MEOX1: variants seen among roughly 807,000 people sequenced by gnomAD.
The protein encoded by MEOX1 is homeobox protein MOX-1.
Under a neutral mutation model 23.2 loss-of-function variants are expected in MEOX1, and 17 were observed. The ratio of observed to expected loss-of-function variants is 0.73; its 90% CI spans 0.50 to 1.10. MEOX1 has a LOEUF of 1.10. Ranked by LOEUF, MEOX1 falls within the 50% of genes least tolerant of loss-of-function variation. The pLI, the probability that MEOX1 is intolerant of heterozygous loss-of-function variation, is 0.00. For missense variants in MEOX1, 333 were observed against 332.2 expected (o/e 1.00, Z -0.02); for synonymous variants, 134 against 135.1 (o/e 0.99, Z 0.06).
chr17:43,642,158 C>G, intron 2 of MEOX1, 126 bp from the exon 3 acceptor site: 1 of 998,846 alleles, frequency 1.0e-6, no homozygotes, highest in East Asian at 2.5e-5. Context: ...TTACCACTCC[C>G]TACTCCCTCA....
chr17:43,653,669 C>T (rs983076113), intron 1 of MEOX1, among the ~76,000 whole-genome samples: 8 of 152,148 alleles, frequency 5.3e-5, no homozygotes, highest in East Asian at 1.9e-4. Context: ...GCCACCACGC[C>T]CAGCTAATTT....
rs199605919 is a variant in MEOX1 at position 43,641,873 on chromosome 17, G to C, written c.*37C>G. 3.2e-6 allele frequency: 5 copies of C among 1,587,262 alleles called. No homozygotes were observed. The highest frequency in any genetic ancestry group is 4.3e-6 in the Non-Finnish European group (5 of 1,166,638). The stretch of plus-strand genomic sequence containing the variant: ...TTGGGGTGGGGGTAGTTGGGTAGGG[G>C]GCTCAGTCCTTAGTCATTTTTCCTC... On this transcript the variant is annotated 3_prime_UTR_variant, in exon 3 of 3. Transcript: ENST00000318579.
At position 43,643,834 on chromosome 17, in the gene MEOX1, T is replaced by C. The variant is rs35674347; in HGVS notation, c.470-174A>G. Among the ~76,000 whole-genome samples the C allele has an allele frequency of 0.14, 21,636 of 151,608 alleles. 3,974 individuals carry two copies. Among genetic ancestry groups the C allele is most frequent in the African/African-American group, 0.43 (17,601 of 41,000 alleles). Reference sequence around the variant, plus strand: ...TTCTGGTGTCTTACCCATATTAGAATTGGGAAGATTTTTTATTTTTGGTTT... The same window carrying C: ...TTCTGGTGTCTTACCCATATTAGAACTGGGAAGATTTTTTATTTTTGGTTT... On this transcript the variant is annotated intron_variant, in intron 1 of 2. Transcript: ENST00000318579.
intron 1 of MEOX1, among the ~76,000 whole-genome samples, chr17:43,644,624 CAAATGA>C (rs1483942282): frequency 1.3e-5 from 2 of 152,180 alleles, no homozygotes; most frequent in Non-Finnish European, 2.9e-5. Context: ...ACATACTGTT[CAAATGA>C]AAAGTATGTA....
At chr17:43,642,111 G>A (rs1972708606) in intron 2 of MEOX1, 79 bp from the exon 3 acceptor site, 2 of 1,487,894 alleles carry the variant, frequency 1.3e-6, no homozygotes, top group African/African-American at 1.4e-5. Flanking sequence ...AGGCTAGCCA[G>A]GGTGTAACTC....
intron 2 of MEOX1, 67 bp downstream of exon 2, chr17:43,643,421 G>A: frequency 7.1e-7 from 1 of 1,404,100 alleles, no homozygotes; most frequent in Non-Finnish European, 9.6e-7. Context: ...AGGGAGGGGT[G>A]GTGGGAAAGG....
chr17:43,655,573 C>G (rs1973000448), intron 1 of MEOX1, among the ~76,000 whole-genome samples: 2 of 150,218 alleles, frequency 1.3e-5, no homozygotes. Flanking sequence ...CCTATAATTC[C>G]AGCACTTTGG....
chr17:43,642,282 T>C (rs1029485606), intron 2 of MEOX1, among the ~76,000 whole-genome samples: 5 of 152,126 alleles, frequency 3.3e-5, no homozygotes, highest in African/African-American at 4.8e-5. Context: ...CACTCTGCAT[T>C]GGCCCCACCC....
intron 1 of MEOX1, among the ~76,000 whole-genome samples, chr17:43,659,081 A>G (rs1266468418): frequency 6.6e-6 from 1 of 152,222 alleles, no homozygotes; most frequent in East Asian, 1.9e-4. Flanking sequence ...GCCACTCGCC[A>G]AAAAGAGAGC....
In MEOX1 at chr17:43,641,654, C is replaced by T. The variant is rs1298806685; in HGVS notation, c.*256G>A. On this transcript the variant is annotated 3_prime_UTR_variant, in exon 3 of 3. Coordinates refer to ENST00000318579, the MANE Select transcript of MEOX1 (RefSeq NM_004527.4). ...TGAAGCTGTTTCCAGATTCATCCGG[C>T]CCGGTAGGATCTCTGTCTGATTCCA... The T allele has an allele frequency of 2.8e-5, 11 of 389,960 alleles. No individual in the cohort carries two copies. In the Admixed American group the frequency reaches 3.0e-4, roughly 11 times the overall value. 24.2% of individuals were successfully genotyped at this position (389,960 alleles called of 1,614,324 possible). A position where few individuals can be genotyped will look rare whatever the true frequency, so the allele number is the denominator to read the frequency against.
chr17:43,642,785 C>T (rs1972720808), intron 2 of MEOX1, among the ~76,000 whole-genome samples: 1 of 152,260 alleles, frequency 6.6e-6, no homozygotes, highest in East Asian at 1.9e-4. Flanking sequence ...TTCTCAGGCC[C>T]ACTCATTATG....
chr17:43,645,315 T>C (rs1972785650), intron 1 of MEOX1, among the ~76,000 whole-genome samples: 1 of 151,738 alleles, frequency 6.6e-6, no homozygotes, highest in African/African-American at 2.4e-5. Context: ...TAGCTGGGAC[T>C]ACAGGCGCCC....
chr17:43,650,086 A>G (rs1972888301), intron 1 of MEOX1, among the ~76,000 whole-genome samples: 1 of 152,230 alleles, frequency 6.6e-6, no homozygotes, highest in Non-Finnish European at 1.5e-5. Context: ...GTTTACATAA[A>G]TTAATATCCA....
chr17:43,648,832 TC>T (rs1223435419), intron 1 of MEOX1, among the ~76,000 whole-genome samples: 6 of 152,262 alleles, frequency 3.9e-5, no homozygotes, highest in African/African-American at 1.4e-4. Flanking sequence ...TCCCCAGCCT[TC>T]CCACAGCTCA....
intron 2 of MEOX1, 87 bp from the exon 3 acceptor site, chr17:43,642,119 C>T: frequency 7.1e-7 from 1 of 1,414,546 alleles, no homozygotes; most frequent in Non-Finnish European, 9.6e-7. Context: ...CAGGGTGTAA[C>T]TCCAGGGACC....
At chr17:43,654,362 G>T (rs1283433661) in intron 1 of MEOX1, among the ~76,000 whole-genome samples, 1 of 152,088 alleles carries the variant, frequency 6.6e-6, no homozygotes, top group African/African-American at 2.4e-5. Flanking sequence ...GCAAAAATTA[G>T]CCAGGTGTGG....
intron 1 of MEOX1, among the ~76,000 whole-genome samples, chr17:43,660,205 G>A (rs1250614810): frequency 6.6e-6 from 1 of 152,190 alleles, no homozygotes; most frequent in African/African-American, 2.4e-5. Context: ...AGGGCCTGGT[G>A]GGGAGGTGAG....
chr17:43,657,012 C>CTCTCTTTCTTTCTTTCTT (rs1555567819), intron 1 of MEOX1, among the ~76,000 whole-genome samples: 1 of 105,086 alleles, frequency 9.5e-6, no homozygotes, highest in Admixed American at 1.0e-4. Flanking sequence ...TTCTTTCTTT[C>CTCTCTTTCTTTCTTTCTT]TCTTTCTTTC....
In MEOX1 at chr17:43,643,519, A is replaced by G; in HGVS notation, c.611T>C (p.Ile204Thr). The G allele has an allele frequency of 1.2e-6, 2 of 1,604,248 alleles. No homozygotes were observed. Among genetic ancestry groups the G allele is most frequent in the Non-Finnish European group, 1.7e-6 (2 of 1,175,730 alleles). The change falls in exon 2 of 3, where the codon ATT becomes ACT. Residue 204 changes from isoleucine to threonine, a missense_variant. By Grantham distance (89) the Ile-to-Thr change is moderately conservative. Coordinates refer to ENST00000318579, the MANE Select transcript of MEOX1 (RefSeq NM_004527.4). ...CTCAGAGAGGTCCAGGTTTACCGCA[A>G]TCTCATATCTGCGGAGCCGAGTCAG... ...NYLTRLRRYE[I>T]AVNLDLSERQ...
Sources: allele counts gnomAD v4.1 joint callset (sites outside exome capture counted in the v4.1 genomes callset), GRCh38; gene constraint gnomAD v4.1.1; transcripts MANE v1.5; gene names NCBI Gene and HGNC (gene_info 2026-07-23, HGNC 2026-07-21).